Variants in NRXN3 observed in about 807,000 individuals in gnomAD.
The protein encoded by NRXN3 is neurexin III.
Under a neutral mutation model 137.6 loss-of-function variants are expected in NRXN3, and 32 were observed. That is an observed-to-expected ratio of 0.23 (90% CI 0.18 to 0.31). The LOEUF is 0.31. Among genes scored for constraint, NRXN3 ranks in the 10% least tolerant of loss-of-function variants. The pLI, the probability that NRXN3 is intolerant of heterozygous loss-of-function variation, is 1.00. For missense variants in NRXN3, 1,574 were observed against 2,062.5 expected (o/e 0.76, Z 4.59); for synonymous variants, 798 against 784.5 (o/e 1.02, Z -0.29).
chr14:78,952,096 A>G (rs1455678771), intron 10 of NRXN3, among the ~76,000 whole-genome samples: 1 of 152,178 alleles, frequency 6.6e-6, no homozygotes, highest in African/African-American at 2.4e-5. Context: ...AGACTTCAAG[A>G]AAAATCCCTG....
At chr14:78,975,453 G>A (rs951449659) in intron 14 of NRXN3, among the ~76,000 whole-genome samples, 1 of 152,160 alleles carries the variant, frequency 6.6e-6, no homozygotes, top group African/African-American at 2.4e-5. Context: ...ACATGAAATG[G>A]GAGTGGTAGG....
At chr14:78,887,799 A>T (rs918835356) in intron 10 of NRXN3, among the ~76,000 whole-genome samples, 5 of 152,082 alleles carry the variant, frequency 3.3e-5, no homozygotes, top group Admixed American at 6.6e-5. Context: ...GGCTCATTGG[A>T]GAAGGAAGTG....
At chr14:78,708,597 T>C (rs2098379537) in intron 6 of NRXN3, 1 of 152,124 alleles carries the variant, frequency 6.6e-6, no homozygotes, top group African/African-American at 2.4e-5. Context: ...GCAAATATAC[T>C]CCCCAATGAC....
chr14:79,066,663 C>T (rs1026246611), intron 15 of NRXN3, among the ~76,000 whole-genome samples: 5 of 151,956 alleles, frequency 3.3e-5, no homozygotes, highest in Admixed American at 3.3e-4. Flanking sequence ...TGTAATTCTC[C>T]TTAAAGAGTT....
chr14:78,514,400 G>A (rs1343965995), intron 4 of NRXN3, among the ~76,000 whole-genome samples: 1 of 152,096 alleles, frequency 6.6e-6, no homozygotes, highest in Non-Finnish European at 1.5e-5. Flanking sequence ...GCGATCAGAG[G>A]CATAAATATG....
chr14:79,528,363 A>G (rs988861178), intron 16 of NRXN3, among the ~76,000 whole-genome samples: 8 of 152,176 alleles, frequency 5.3e-5, no homozygotes, highest in South Asian at 2.1e-4. Context: ...ACACCATCAC[A>G]TACTTCAATC....
At position 79,866,004 on chromosome 14, in the gene NRXN3, A is replaced by G. The variant is rs1470728235; in HGVS notation, c.*4040A>G. ...AAGCATTCACTTTTTCTTTAATTCA[A>G]GAAACATTTATTGAACACTTATGTA... On this transcript the variant is annotated 3_prime_UTR_variant, in exon 21 of 21. Coordinates refer to ENST00000335750, the MANE Select transcript of NRXN3 (RefSeq NM_001330195.2). 6.6e-6 allele frequency: 1 copy of G among 152,172 alleles called. No homozygotes were observed. The highest frequency in any genetic ancestry group is 6.5e-5 in the Admixed American group (1 of 15,272). The allele number at this position is 152,172 out of a possible 1,614,324, so 9.4% of individuals were successfully genotyped here.
chr14:78,908,890 GA>G (rs1377925633), intron 10 of NRXN3, among the ~76,000 whole-genome samples: 2 of 152,058 alleles, frequency 1.3e-5, no homozygotes, highest in Non-Finnish European at 2.9e-5. Context: ...TTTTAAGGAG[GA>G]ACAAGAAGAT....
chr14:79,622,499 A>T (rs1289795065), intron 16 of NRXN3, among the ~76,000 whole-genome samples: 1 of 152,168 alleles, frequency 6.6e-6, no homozygotes, highest in Admixed American at 6.5e-5. Context: ...GAAAGGTTAA[A>T]TGAGTGAAGA....
chr14:78,718,417 T>C (rs1337032655), intron 8 of NRXN3, among the ~76,000 whole-genome samples: 1 of 152,116 alleles, frequency 6.6e-6, no homozygotes, highest in Non-Finnish European at 1.5e-5. Context: ...GGTCAGACAC[T>C]AGACACTACA....
At chr14:78,943,559 G>C (rs1469447048) in intron 10 of NRXN3, among the ~76,000 whole-genome samples, 4 of 135,910 alleles carry the variant, frequency 2.9e-5, no homozygotes, top group African/African-American at 1.1e-4. Context: ...GGTGCCTAAA[G>C]AAAGCTAACA....
At chr14:79,064,232 C>A (rs1205273804) in intron 15 of NRXN3, among the ~76,000 whole-genome samples, 1 of 152,046 alleles carries the variant, frequency 6.6e-6, no homozygotes, top group Admixed American at 6.6e-5. Context: ...TCCGATTTCT[C>A]CACAGAACTA....
At chr14:79,014,131 C>T (rs561058684) in intron 15 of NRXN3, among the ~76,000 whole-genome samples, 3 of 152,226 alleles carry the variant, frequency 2.0e-5, no homozygotes, top group Admixed American at 1.3e-4. Flanking sequence ...ATTTTAGGTT[C>T]AGGGGTACAT....
intron 15 of NRXN3, among the ~76,000 whole-genome samples, chr14:79,466,890 G>A (rs2096433613): frequency 6.6e-6 from 1 of 152,136 alleles, no homozygotes; most frequent in Admixed American, 6.5e-5. Context: ...CTACTGTTGA[G>A]GAAGACCAGA....
intron 4 of NRXN3, among the ~76,000 whole-genome samples, chr14:78,480,140 GAAAC>G (rs1302094904): frequency 3.3e-5 from 5 of 152,126 alleles, no homozygotes; most frequent in South Asian, 2.1e-4. Flanking sequence ...GACCCTCAAA[GAAAC>G]AAACAAACAA....
intron 19 of NRXN3, among the ~76,000 whole-genome samples, chr14:79,783,625 ACTTT>A (rs775984453): frequency 4.6e-5 from 7 of 152,188 alleles, no homozygotes; most frequent in Non-Finnish European, 8.8e-5. Flanking sequence ...GATGCCACTC[ACTTT>A]AACAAGCTTT....
rs2096441475 is a variant in NRXN3, at chr14:79,467,378, T to G, written c.3420T>G (p.Leu1140=). 1 of 1,607,800 alleles carries G rather than the reference T, an allele frequency of 6.2e-7. No homozygotes were observed. The highest frequency in any genetic ancestry group is 1.3e-5 in the African/African-American group (1 of 74,962). The change falls in exon 16 of 21, where the codon CTT becomes CTG. Residue 1140 remains leucine, a synonymous_variant. Coordinates refer to ENST00000335750, the MANE Select transcript of NRXN3 (RefSeq NM_001330195.2). ...TCCGCATCGACAGTGCTCCAGGACT[T>G]GGTGACTTCCTCCAGCTTCACATAG... ...ILVRIDSAPG[L]GDFLQLHIEQ...
intron 16 of NRXN3, among the ~76,000 whole-genome samples, chr14:79,565,822 T>C (rs897003805): frequency 6.6e-6 from 1 of 152,140 alleles, no homozygotes; most frequent in South Asian, 2.1e-4. Context: ...CAAATTATGT[T>C]TCCTCCATAA....
At chr14:79,518,446 A>G (rs2097020846) in intron 16 of NRXN3, among the ~76,000 whole-genome samples, 1 of 152,010 alleles carries the variant, frequency 6.6e-6, no homozygotes, top group East Asian at 1.9e-4. Context: ...GTTTATCTCT[A>G]AAAGTTTTTT....
Sources: gnomAD v4.1 joint callset for allele counts (sites outside exome capture counted in the v4.1 genomes callset) on GRCh38, gnomAD v4.1.1 for gene constraint, MANE v1.5 for transcripts, NCBI Gene and HGNC (gene_info 2026-07-23, HGNC 2026-07-21) for gene names.